Variants in RBFOX1 observed in about 807,000 individuals in gnomAD.
The protein encoded by RBFOX1 is RNA binding fox-1 homolog 1.
In RBFOX1, 8 loss-of-function variants were observed where a neutral mutation model predicts 57.7. The observed-to-expected ratio is 0.14, with a 90% CI of 0.08 to 0.25. The LOEUF (loss-of-function observed/expected upper bound fraction) is 0.25, where lower values mean the gene tolerates loss of function less well. Among genes scored for constraint, RBFOX1 ranks in the 10% least tolerant of loss-of-function variants. RBFOX1 has a pLI of 1.00. For synonymous variants in RBFOX1, 326 were observed against 222.4 expected (o/e 1.47, Z -4.15); for missense variants, 611 against 548.5 (o/e 1.11, Z -1.14).
intron 3 of RBFOX1, among the ~76,000 whole-genome samples, chr16:6,982,270 C>G (rs1204594939): frequency 2.6e-5 from 4 of 152,168 alleles, no homozygotes; most frequent in Non-Finnish European, 4.4e-5. Flanking sequence ...AAACCCTTTT[C>G]CAGGTAACAA....
At chr16:6,577,184 G>A (rs940675315) in intron 2 of RBFOX1, 26 of 152,146 alleles carry the variant, frequency 1.7e-4, no homozygotes, top group African/African-American at 5.1e-4. Flanking sequence ...TGTGGATCAG[G>A]AAGCTCCCCA....
intron 11 of RBFOX1, among the ~76,000 whole-genome samples, chr16:7,633,559 T>G (rs913509990): frequency 6.6e-6 from 1 of 152,226 alleles, no homozygotes; most frequent in Non-Finnish European, 1.5e-5. Context: ...TAGAGCAGTT[T>G]TAAAGAAAAT....
At chr16:7,667,742 A>G (rs1196315352) in intron 13 of RBFOX1, among the ~76,000 whole-genome samples, 1 of 152,076 alleles carries the variant, frequency 6.6e-6, no homozygotes, top group South Asian at 2.1e-4. Context: ...GTGCGGTGCA[A>G]TGTCATCTGT....
intron 4 of RBFOX1, among the ~76,000 whole-genome samples, chr16:5,990,991 C>T (rs964538198): frequency 2.0e-5 from 3 of 152,080 alleles, no homozygotes; most frequent in African/African-American, 7.2e-5. Context: ...AAAAAAAATA[C>T]ATTTGGTTAT....
At chr16:7,201,325 G>A (rs7499451) in intron 4 of RBFOX1, among the ~76,000 whole-genome samples, 3 of 151,850 alleles carry the variant, frequency 2.0e-5, no homozygotes, top group Non-Finnish European at 2.9e-5. Flanking sequence ...CAGCTGAGGT[G>A]AAGGAAACAG....
intron 3 of RBFOX1, 46 bp downstream of exon 3, chr16:6,654,696 C>T: frequency 7.0e-7 from 1 of 1,428,146 alleles, no homozygotes; most frequent in Non-Finnish European, 9.3e-7. Context: ...AAAACAAGAA[C>T]TCTGTGAATT....
At chr16:5,870,179 C>T (rs2057435127) in intron 4 of RBFOX1, among the ~76,000 whole-genome samples, 2 of 149,506 alleles carry the variant, frequency 1.3e-5, no homozygotes, top group Non-Finnish European at 3.0e-5. Flanking sequence ...AAACAGACAA[C>T]ATTCATCTCT....
At chr16:6,598,172 G>A (rs114602967) in intron 2 of RBFOX1, among the ~76,000 whole-genome samples, 144 of 152,332 alleles carry the variant, frequency 9.5e-4, no homozygotes, top group African/African-American at 3.2e-3. Flanking sequence ...CCTATATGCA[G>A]AACATGCATT....
chr16:7,136,404 A>ATT (rs35623726), intron 4 of RBFOX1, among the ~76,000 whole-genome samples: 2,889 of 110,912 alleles, frequency 0.026, 145 homozygotes, highest in African/African-American at 0.091. Flanking sequence ...TCATCTTGGG[A>ATT]TTTTTTTTTT....
intron 4 of RBFOX1, among the ~76,000 whole-genome samples, chr16:5,900,569 T>C (rs7205782): frequency 0.62 from 94,120 of 151,994 alleles, 29,968 homozygotes; most frequent in Middle Eastern, 0.77. Context: ...GCAACCTTCC[T>C]GCTCCCGCCT....
intron 1 of RBFOX1, among the ~76,000 whole-genome samples, chr16:6,159,686 T>C (rs2152742062): frequency 6.6e-6 from 1 of 152,356 alleles, no homozygotes; most frequent in African/African-American, 2.4e-5. Context: ...AAGAAGTATG[T>C]ACAGTGAATG....
intron 13 of RBFOX1, among the ~76,000 whole-genome samples, chr16:7,672,865 CA>C (rs56693228): frequency 2.3e-3 from 99 of 42,862 alleles, no homozygotes; most frequent in African/African-American, 0.01. Flanking sequence ...GACTCCATCT[CA>C]AAAAAAAAAA....
rs543542716 is a variant in RBFOX1 at position 5,424,913 on chromosome 16, T to C, written c.220-42303T>C. Among the ~76,000 whole-genome samples, 1,143 of 123,438 alleles carry C rather than the reference T, an allele frequency of 9.3e-3. 38 individuals are homozygous for C. The highest frequency in any genetic ancestry group is 0.027 in the African/African-American group (777 of 28,306). The allele number at this position is 123,438 out of a possible 152,430, so 81.0% of individuals were successfully genotyped here. A position where few individuals can be genotyped will look rare whatever the true frequency, so the allele number is the denominator to read the frequency against. ...TTTCTTTCTTTCTTTCTTTCTTTCT[T>C]TCTTTCTTTCTTTCTTTCTTTCTCT... is the stretch of plus-strand genomic sequence containing the variant. On this transcript the variant is annotated intron_variant, in intron 1 of 2. Transcript: ENST00000585867.
At chr16:7,665,683 C>T (rs968453288) in intron 13 of RBFOX1, among the ~76,000 whole-genome samples, 13 of 151,986 alleles carry the variant, frequency 8.6e-5, no homozygotes, top group African/African-American at 3.1e-4. Context: ...TGAGCATTGA[C>T]GATATGAAAA....
chr16:6,443,198 C>T (rs905824396), intron 2 of RBFOX1, among the ~76,000 whole-genome samples: 46 of 152,228 alleles, frequency 3.0e-4, no homozygotes, highest in African/African-American at 8.9e-4. Context: ...TATTCCTTTC[C>T]GGCTGAATCT....
At chr16:5,899,370 G>T (rs964548055) in intron 4 of RBFOX1, among the ~76,000 whole-genome samples, 23 of 152,120 alleles carry the variant, frequency 1.5e-4, no homozygotes, top group African/African-American at 5.3e-4. Flanking sequence ...AAACTGACCT[G>T]GTCCATTGAG....
chr16:5,803,319 C>G (rs2055119470), intron 3 of RBFOX1, among the ~76,000 whole-genome samples: 1 of 152,146 alleles, frequency 6.6e-6, no homozygotes, highest in Non-Finnish European at 1.5e-5. Flanking sequence ...TTATGGTCCT[C>G]TTTGTACTGG....
At chr16:6,055,380 G>A (rs1349773055) in intron 1 of RBFOX1, among the ~76,000 whole-genome samples, 1 of 151,816 alleles carries the variant, frequency 6.6e-6, no homozygotes, top group Admixed American at 6.6e-5. Context: ...ATCACTTGAG[G>A]TCAGGAGTTC....
intron 3 of RBFOX1, among the ~76,000 whole-genome samples, chr16:5,629,277 A>G (rs57462557): frequency 0.042 from 6,354 of 152,244 alleles, 448 homozygotes; most frequent in African/African-American, 0.14. Flanking sequence ...TACCAGTATG[A>G]TGTTCAATAT....
Sources: allele counts gnomAD v4.1 joint callset (sites outside exome capture counted in the v4.1 genomes callset), GRCh38; gene constraint gnomAD v4.1.1; transcripts MANE v1.5; gene names NCBI Gene and HGNC (gene_info 2026-07-23, HGNC 2026-07-21).